THNSL2: variants seen among roughly 807,000 people sequenced by gnomAD.
THNSL2 encodes threonine synthase like 2.
THNSL2 carries 34 observed loss-of-function variants against 40.0 expected under a neutral mutation model. That is an observed-to-expected ratio of 0.85 (90% CI 0.65 to 1.13). THNSL2 has a LOEUF of 1.13. Ranked by LOEUF, THNSL2 falls within the 50% of genes most tolerant of loss-of-function variation. The pLI is 0.00. For synonymous variants in THNSL2, 241 were observed against 247.5 expected, an observed-to-expected ratio of 0.97 and a Z score of 0.25; for missense variants, 537 against 608.8, an observed-to-expected ratio of 0.88 and a Z score of 1.24.
chr2:88,174,966 C>T (rs753228168), intron 3 of THNSL2, 133 bp downstream of exon 3: 3 of 1,127,720 alleles, frequency 2.7e-6, no homozygotes, highest in Non-Finnish European at 3.8e-6. Context: ...CTAACATTTT[C>T]TGGTGCCATA....
At chr2:88,177,902 G>A (rs1202997553) in intron 4 of THNSL2, among the ~76,000 whole-genome samples, 1 of 152,206 alleles carries the variant, frequency 6.6e-6, no homozygotes, top group African/African-American at 2.4e-5. Context: ...CACCATGACT[G>A]GCCCCGGCCA....
chr2:88,182,664 A>G (rs764710304), intron 5 of THNSL2, 35 bp from the exon 6 acceptor site: 32 of 1,476,944 alleles, frequency 2.2e-5, no homozygotes, highest in Non-Finnish European at 2.9e-5. Flanking sequence ...TTTTATTTCT[A>G]AAAAGCCATT....
At chr2:88,183,383 T>C in intron 7 of THNSL2, 1 of 249,308 alleles carries the variant, frequency 4.0e-6, no homozygotes, top group South Asian at 1.1e-4. Flanking sequence ...CATAGAGTTG[T>C]TGTGAGATTT....
At chr2:88,171,504 A>T in intron 1 of THNSL2, 2 of 327,820 alleles carry the variant, frequency 6.1e-6, no homozygotes, top group East Asian at 8.5e-5. Flanking sequence ...TCCTGCCCTC[A>T]CTCCTGCGAT....
At chr2:88,173,774 C>G (rs1052189125) in intron 2 of THNSL2, among the ~76,000 whole-genome samples, 3 of 152,098 alleles carry the variant, frequency 2.0e-5, no homozygotes, top group Non-Finnish European at 2.9e-5. Flanking sequence ...CCAGAAAGGA[C>G]TTCAAGACTG....
intron 1 of THNSL2, chr2:88,171,077 A>G (rs1034805287): frequency 3.0e-6 from 1 of 332,376 alleles, no homozygotes; most frequent in East Asian, 8.5e-5. Context: ...CCCAGGGGAC[A>G]CGTAGTCCGG....
chr2:88,173,691 G>A (rs934109351), intron 2 of THNSL2, among the ~76,000 whole-genome samples: 3 of 150,802 alleles, frequency 2.0e-5, no homozygotes, highest in African/African-American at 7.3e-5. Flanking sequence ...TGACTTGAAT[G>A]TTGGGGTGTT....
chr2:88,181,986 A>G (rs561614731), intron 5 of THNSL2, among the ~76,000 whole-genome samples: 19 of 152,304 alleles, frequency 1.2e-4, no homozygotes, highest in African/African-American at 2.9e-4. Context: ...TATACCATAC[A>G]GTGGTATATT....
At chr2:88,171,402 C>G (rs966011841) in intron 1 of THNSL2, 3 of 446,356 alleles carry the variant, frequency 6.7e-6, no homozygotes, top group African/African-American at 2.0e-5. Context: ...TCCATATCCT[C>G]CTTCCCAGTG....
Position 88,186,371 on chromosome 2 carries a change from T to G in THNSL2, c.*248T>G, listed in dbSNP as rs1678292169. 3.8e-6 allele frequency: 2 copies of G among 527,840 alleles called. No homozygotes were observed. Among genetic ancestry groups the G allele is most frequent in the South Asian group, 4.2e-5 (2 of 47,668 alleles). 32.7% of individuals were successfully genotyped at this position (527,840 alleles called of 1,614,324 possible). A position where few individuals can be genotyped will look rare whatever the true frequency, so the allele number is the denominator to read the frequency against. On this transcript the variant is annotated 3_prime_UTR_variant, in exon 9 of 9. Coordinates refer to ENST00000674334, the MANE Select transcript of THNSL2 (RefSeq NM_018271.5). ...CCTCCCCGGCCCGTGCAGCAGTGTC[T>G]GAGCTGTAGTGAAAGTTTCAGGGCC...
At chr2:88,175,096 A>C (rs1405178583) in intron 3 of THNSL2, among the ~76,000 whole-genome samples, 153 bp from the exon 4 acceptor site, 1 of 152,184 alleles carries the variant, frequency 6.6e-6, no homozygotes, top group Non-Finnish European at 1.5e-5. Context: ...TTATCCGTGG[A>C]TCCATGGACC....
Position 88,178,815 on chromosome 2 carries a change from A to G in THNSL2, c.604A>G (p.Ile202Val). 1 of 1,614,098 alleles carries G rather than the reference A, an allele frequency of 6.2e-7. No homozygotes were observed. The highest frequency in any genetic ancestry group is 1.3e-5 in the African/African-American group (1 of 75,022). Residue 202 changes from isoleucine (I) to valine (V), a missense_variant, in exon 5 of 9, where the codon ATC (isoleucine) becomes GTC (valine). Coordinates refer to ENST00000674334, the MANE Select transcript of THNSL2 (RefSeq NM_018271.5). Reference protein sequence around the residue: ...EGNSDELDEPIKTVFADVAFV... With the variant: ...EGNSDELDEPVKTVFADVAFV... ...AAACAGCGATGAGCTCGATGAGCCG[A>G]TCAAGACTGTGTTTGCCGATGTGGC... is the stretch of plus-strand genomic sequence containing the variant.
In THNSL2 at chr2:88,178,236, T is replaced by C. The variant is rs901816881; in HGVS notation, c.572-547T>C. 2.0e-5 allele frequency among the ~76,000 whole-genome samples: 3 copies of C among 152,316 alleles called. No individual in the cohort carries two copies. The East Asian group carries it at 5.8e-4, about 29-fold the overall frequency. On this transcript the variant is annotated intron_variant, in intron 4 of 8. Transcript: ENST00000674334. ...CTTCAGGGAGGGGAAGTTCTGTCCA[T>C]GGAAGCTTACCTGCCATGTAGGAGC... is the stretch of plus-strand genomic sequence containing the variant.
intron 4 of THNSL2, among the ~76,000 whole-genome samples, chr2:88,177,538 A>G (rs1041462555): frequency 6.6e-6 from 1 of 152,244 alleles, no homozygotes; most frequent in African/African-American, 2.4e-5. Flanking sequence ...AGCTTCAACA[A>G]GAATATTTTC....
At chr2:88,178,718 G>A (rs954755361) in intron 4 of THNSL2, 65 bp from the exon 5 acceptor site, 3 of 1,569,036 alleles carry the variant, frequency 1.9e-6, no homozygotes, top group Non-Finnish European at 1.8e-6. Context: ...TGTCGCAGGT[G>A]AGTGCTGACC....
chr2:88,179,152 A>T, intron 5 of THNSL2, 139 bp downstream of exon 5: 1 of 849,712 alleles, frequency 1.2e-6, no homozygotes, highest in South Asian at 1.6e-5. Context: ...ACCCCACAGA[A>T]GTTCCCAGGA....
intron 4 of THNSL2, 121 bp downstream of exon 4, chr2:88,175,522 A>G (rs1436195031): frequency 3.8e-6 from 5 of 1,328,040 alleles, no homozygotes; most frequent in Non-Finnish European, 5.2e-6. Context: ...TTTCATCATC[A>G]TATTCGAGGT....
chr2:88,185,739 G>A, intron 8 of THNSL2, 159 bp from the exon 9 acceptor site: 1 of 1,549,500 alleles, frequency 6.5e-7, no homozygotes, highest in Non-Finnish European at 8.7e-7. Flanking sequence ...CGTCATTGTA[G>A]CAATAAGTTC....
At chr2:88,178,718 G>C (rs954755361) in intron 4 of THNSL2, 65 bp from the exon 5 acceptor site, 38 of 1,568,918 alleles carry the variant, frequency 2.4e-5, no homozygotes, top group Non-Finnish European at 3.2e-5. Context: ...TGTCGCAGGT[G>C]AGTGCTGACC....
Sources: allele counts gnomAD v4.1 joint callset (sites outside exome capture counted in the v4.1 genomes callset), GRCh38; gene constraint gnomAD v4.1.1; transcripts MANE v1.5; gene names NCBI Gene and HGNC (gene_info 2026-07-23, HGNC 2026-07-21).